TBL1Y: variants seen among roughly 807,000 people sequenced by gnomAD.
TBL1Y encodes the protein F-box-like/WD repeat-containing protein TBL1Y.
A neutral mutation model predicts 12.0 loss-of-function variants in TBL1Y; 15 were observed. The ratio of observed to expected loss-of-function variants is 1.25; its 90% CI spans 0.83 to 1.92. TBL1Y has a LOEUF of 1.92. Ranked by LOEUF, TBL1Y falls within the 40% of genes most tolerant of loss-of-function variation. The pLI is 0.00. For missense variants in TBL1Y, 148 were observed against 116.7 expected, an observed-to-expected ratio of 1.27 and a Z score of -1.24; for synonymous variants, 53 against 42.6, an observed-to-expected ratio of 1.24 and a Z score of -0.95.
chrY:7,082,008 G>T, intron 14 of TBL1Y, among the ~76,000 whole-genome samples: 2 of 32,832 alleles, frequency 6.1e-5, no homozygotes, highest in Non-Finnish European at 1.5e-4. Flanking sequence ...AATGAATAGG[G>T]GCTTACGGGC....
intron 2 of TBL1Y, chrY:6,919,303 T>C: frequency 3.0e-5 from 1 of 33,271 alleles, no homozygotes; most frequent in African/African-American, 1.2e-4. Flanking sequence ...ATGGATGTCA[T>C]AATCAGGAGA....
At chrY:6,945,998 A>G in intron 2 of TBL1Y, among the ~76,000 whole-genome samples, 2 of 33,475 alleles carry the variant, frequency 6.0e-5, no homozygotes, top group African/African-American at 1.2e-4. Flanking sequence ...AATGGACTGT[A>G]TGCTTTTGAT....
chrY:6,912,848 A>C lies in TBL1Y; in HGVS notation c.-266+676A>C. Among the ~76,000 whole-genome samples the C allele has an allele frequency of 1.3e-4, 4 of 30,925 alleles. No individual in the cohort carries two copies. The South Asian group carries it at 2.2e-3, about 17-fold the overall frequency. The allele number at this position is 30,925 out of a possible 37,273, so 83.0% of individuals were successfully genotyped here. A position where few individuals can be genotyped will look rare whatever the true frequency, so the allele number is the denominator to read the frequency against. ...CTGTCTCAAAAAAAAAAAAAAAAAA[A>C]AAAAAAACACTGTGTGCAAAAATTA... On this transcript the variant is annotated intron_variant, in intron 2 of 18. Transcript: ENST00000383032.
At chrY:7,012,266 A>G (rs2012524195) in intron 4 of TBL1Y, among the ~76,000 whole-genome samples, 1 of 33,741 alleles carries the variant, frequency 3.0e-5, no homozygotes, top group Non-Finnish European at 7.3e-5. Context: ...GAAAATTTGC[A>G]GCTATGACGT....
intron 5 of TBL1Y, among the ~76,000 whole-genome samples, chrY:7,023,970 A>G (rs2012596764): frequency 3.1e-5 from 1 of 32,361 alleles, no homozygotes; most frequent in Non-Finnish European, 7.6e-5. Flanking sequence ...TCATTGTTCA[A>G]CTCCCACTTG....
chrY:6,940,360 TGATA>T (rs2011944953), intron 2 of TBL1Y, among the ~76,000 whole-genome samples: 3 of 32,472 alleles, frequency 9.2e-5, no homozygotes, highest in Non-Finnish European at 2.2e-4. Context: ...ATTGATTGAT[TGATA>T]GAGACACACT....
intron 7 of TBL1Y, among the ~76,000 whole-genome samples, chrY:7,057,396 G>A (rs2012830434): frequency 3.1e-5 from 1 of 32,683 alleles, no homozygotes; most frequent in African/African-American, 1.2e-4. Context: ...TTTTAAACAT[G>A]TTTTGGCTTA....
intron 7 of TBL1Y, among the ~76,000 whole-genome samples, chrY:7,063,441 G>C: frequency 3.0e-5 from 1 of 32,820 alleles, no homozygotes; most frequent in Non-Finnish European, 7.4e-5. Flanking sequence ...CTAATTTCAA[G>C]AGAGTGACAG....
intron 4 of TBL1Y, among the ~76,000 whole-genome samples, chrY:7,005,040 T>C: frequency 3.0e-5 from 1 of 33,642 alleles, no homozygotes. Context: ...TGTACGTAGC[T>C]GAGATTTCAT....
At chrY:6,911,811 T>C in intron 1 of TBL1Y, among the ~76,000 whole-genome samples, 1 of 34,237 alleles carries the variant, frequency 2.9e-5, no homozygotes, top group East Asian at 7.9e-4. Context: ...GTGACAACTG[T>C]GGGTCGTTGG....
At chrY:7,030,700 A>G (rs2012649343) in intron 6 of TBL1Y, among the ~76,000 whole-genome samples, 2 of 33,776 alleles carry the variant, frequency 5.9e-5, no homozygotes, top group African/African-American at 2.3e-4. Flanking sequence ...AAATCTACTT[A>G]TCTTTCAGAT....
intron 4 of TBL1Y, among the ~76,000 whole-genome samples, chrY:6,998,795 G>T (rs779094083): frequency 3.0e-5 from 1 of 33,132 alleles, no homozygotes; most frequent in African/African-American, 1.2e-4. Flanking sequence ...GCATCTCTGT[G>T]CTCCTTCTGC....
intron 8 of TBL1Y, among the ~76,000 whole-genome samples, chrY:7,064,389 G>C (rs893851920): frequency 2.4e-4 from 8 of 33,175 alleles, no homozygotes; most frequent in Non-Finnish European, 5.2e-4. Flanking sequence ...TGCACTGCCA[G>C]TCTGAGAACT....
intron 8 of TBL1Y, among the ~76,000 whole-genome samples, chrY:7,066,729 G>C (rs2012988759): frequency 1.3e-4 from 4 of 30,135 alleles, no homozygotes; most frequent in Non-Finnish European, 3.2e-4. Context: ...CCAGCACTTG[G>C]GAGGCCCAAG....
chrY:7,064,735 G>C (rs935610856), intron 8 of TBL1Y, among the ~76,000 whole-genome samples: 1 of 33,363 alleles, frequency 3.0e-5, no homozygotes, highest in Admixed American at 2.8e-4. Context: ...ATGTATGTAA[G>C]TTCAGAGCAT....
intron 4 of TBL1Y, among the ~76,000 whole-genome samples, chrY:7,020,218 A>C: frequency 3.0e-5 from 1 of 33,357 alleles, no homozygotes; most frequent in Non-Finnish European, 7.4e-5. Context: ...ACTTAAGACT[A>C]TTTAGAGAAA....
At chrY:6,928,589 A>T (rs1017857260) in intron 2 of TBL1Y, among the ~76,000 whole-genome samples, 5 of 33,654 alleles carry the variant, frequency 1.5e-4, no homozygotes, top group Non-Finnish European at 2.9e-4. Context: ...GCTAGACCAG[A>T]TGTACCACAT....
chrY:6,911,130 C>T, intron 1 of TBL1Y, 148 bp downstream of exon 1: 1 of 35,513 alleles, frequency 2.8e-5, no homozygotes, highest in Admixed American at 2.5e-4. Flanking sequence ...CAGCTGTTAC[C>T]GCAGCACTTG....
chrY:6,989,121 G>A (rs750338085), intron 3 of TBL1Y, among the ~76,000 whole-genome samples: 139 of 32,774 alleles, frequency 4.2e-3, no homozygotes, highest in Admixed American at 0.018. Context: ...TCGGGAGGCT[G>A]AGGTCGGAGA....
Sources: gnomAD v4.1 joint callset for allele counts (sites outside exome capture counted in the v4.1 genomes callset) on GRCh38, gnomAD v4.1.1 for gene constraint, MANE v1.5 for transcripts, NCBI Gene and HGNC (gene_info 2026-07-23, HGNC 2026-07-21) for gene names.